The following C5orf46 variants were observed in gnomAD, a reference collection of about 807,000 sequenced individuals.
C5orf46 encodes the protein uncharacterized protein C5orf46.
Under a neutral mutation model 8.9 loss-of-function variants are expected in C5orf46, and 9 were observed. The observed-to-expected ratio is 1.01, with a 90% CI of 0.61 to 1.76. The LOEUF (loss-of-function observed/expected upper bound fraction) is 1.76, where lower values mean the gene tolerates loss of function less well. Among genes scored for constraint, C5orf46 ranks in the 40% most tolerant of loss-of-function variants. The probability of loss-of-function intolerance (pLI) is 0.00; values close to 1 mark genes in which losing one functional copy is unlikely to be tolerated. For missense variants in C5orf46, 98 were observed against 107.8 expected, an observed-to-expected ratio of 0.91 and a Z score of 0.40; for synonymous variants, 47 against 41.4, an observed-to-expected ratio of 1.14 and a Z score of -0.52.
Position 147,906,442 on chromosome 5 carries a change from G to A in C5orf46, c.60C>T (p.Thr20=). ...ATCAGAAGCACTTACCTGCATAGCA[G>A]GTCAGGAATAAGACAAGCAGTCCCA... ...VVLGLLVLFL[T]CYADDKPDKP... is the part of the protein sequence containing the mutation. Residue 20 remains threonine (T), a synonymous_variant, in exon 1 of 4, where the codon ACC becomes ACT. Transcript: ENST00000318315. 6.2e-7 allele frequency: 1 copy of A among 1,609,952 alleles called. No individual in the cohort carries two copies. The highest frequency in any genetic ancestry group is 8.5e-7 in the Non-Finnish European group (1 of 1,177,272).
At chr5:147,886,184 G>A (rs1757414117) in intron 2 of C5orf46, 1 of 152,074 alleles carries the variant, frequency 6.6e-6, no homozygotes, top group African/African-American at 2.4e-5. Context: ...GAGACGATGG[G>A]GGCAGGAAGG....
At chr5:147,905,395 T>C (rs922384805) in intron 1 of C5orf46, among the ~76,000 whole-genome samples, 2 of 152,192 alleles carry the variant, frequency 1.3e-5, no homozygotes, top group African/African-American at 4.8e-5. Context: ...GACAGGGTGG[T>C]GCCTGGTCTT....
At chr5:147,896,849 TA>T (rs1757587993) in intron 3 of C5orf46, 134 bp downstream of exon 3, 3 of 432,004 alleles carry the variant, frequency 6.9e-6, no homozygotes, top group Non-Finnish European at 4.2e-6. Context: ...TATATTCATT[TA>T]TTTTTTTAAA....
downstream of C5orf46, among the ~76,000 whole-genome samples, chr5:147,889,824 A>G (rs1371871138): frequency 6.6e-6 from 1 of 152,190 alleles, no homozygotes; most frequent in Non-Finnish European, 1.5e-5. Flanking sequence ...TAATTTTTGT[A>G]CTAAGTATGA....
chr5:147,893,763 A>C (rs1268882225), intron 3 of C5orf46, among the ~76,000 whole-genome samples: 1 of 151,472 alleles, frequency 6.6e-6, no homozygotes, highest in East Asian at 1.9e-4. Context: ...GCTGGTTTCC[A>C]CCTCCCGACC....
At chr5:147,899,125 A>G (rs752225537) in intron 2 of C5orf46, among the ~76,000 whole-genome samples, 1 of 151,850 alleles carries the variant, frequency 6.6e-6, no homozygotes, top group Non-Finnish European at 1.5e-5. Flanking sequence ...CCCATTGAGA[A>G]CTCCTTTCGC....
chr5:147,886,566 T>C (rs1029255490), intron 2 of C5orf46: 3 of 151,136 alleles, frequency 2.0e-5, no homozygotes, highest in Admixed American at 1.3e-4. Flanking sequence ...TTTCATTCTC[T>C]TCATCCATAA....
At chr5:147,895,233 G>A (rs1292145988) in intron 3 of C5orf46, among the ~76,000 whole-genome samples, 2 of 152,226 alleles carry the variant, frequency 1.3e-5, no homozygotes, top group East Asian at 3.9e-4. Context: ...GAGGCCAGGA[G>A]TTCAACACCA....
chr5:147,896,674 G>A (rs2080964), intron 3 of C5orf46, among the ~76,000 whole-genome samples: 10,016 of 152,092 alleles, frequency 0.066, 634 homozygotes, highest in Admixed American at 0.21. Context: ...TTGCTAGTGC[G>A]TGCTAGCCCC....
downstream of C5orf46, among the ~76,000 whole-genome samples, chr5:147,891,478 A>G (rs916182482): frequency 1.2e-4 from 19 of 152,314 alleles, no homozygotes; most frequent in African/African-American, 4.6e-4. Flanking sequence ...TTAGGAATTT[A>G]CCAAATCTTG....
rs998789232 is a variant in C5orf46, at chr5:147,905,483, G to A, written c.70+949C>T. 2.0e-5 allele frequency among the ~76,000 whole-genome samples: 3 copies of A among 152,202 alleles called. No individual in the cohort carries two copies. In the South Asian group the frequency reaches 6.2e-4, roughly 32 times the overall value. ...TGGACTGAATAATATCCGTGGCCAT[G>A]TCTAGAGTAATTCTGTTGTAATGTC... On this transcript the variant is annotated intron_variant, in intron 1 of 3. Coordinates refer to ENST00000318315, the MANE Select transcript of C5orf46 (RefSeq NM_206966.3).
intron 2 of C5orf46, among the ~76,000 whole-genome samples, chr5:147,897,354 G>A (rs1757598130): frequency 6.6e-6 from 1 of 152,162 alleles, no homozygotes; most frequent in Admixed American, 6.6e-5. Context: ...ATGGCAAATA[G>A]TAGAAATTAA....
intron 3 of C5orf46, among the ~76,000 whole-genome samples, chr5:147,893,958 C>A (rs950797453): frequency 1.3e-5 from 2 of 150,394 alleles, no homozygotes; most frequent in South Asian, 2.1e-4. Flanking sequence ...CATAAGACTT[C>A]ATGAAAACGT....
chr5:147,886,469 CAT>C (rs1366881300), intron 2 of C5orf46: 2 of 149,908 alleles, frequency 1.3e-5, no homozygotes, highest in African/African-American at 2.4e-5. Flanking sequence ...ATCATATAAT[CAT>C]ATGGAATATA....
rs149518217 is a variant in C5orf46, at chr5:147,901,691, G to A, written c.153C>T (p.Leu51=). 1.5e-5 allele frequency: 24 copies of A among 1,613,960 alleles called. No homozygotes were observed. The African/African-American group carries it at 3.1e-4, about 21-fold the overall frequency. ...PKPDFPKFLS[L]LGTEIIENAV... ...CATTCTCAATGATCTCTGTGCCCAG[G>A]AGGCTTAGGAATTTGGGGAAGTCTG... The change falls in exon 2 of 4, where the codon CTC becomes CTT. Residue 51 remains leucine, a synonymous_variant. Transcript: ENST00000318315.
In C5orf46 at chr5:147,899,995, C is replaced by G. The variant is rs188649843; in HGVS notation, c.215+1634G>C. ...TCTTTAGCATATCAGAGAGTCGACT[C>G]TTATGGTTAACACAGAGAAAAATGT... On this transcript the variant is annotated intron_variant, in intron 2 of 3. Transcript: ENST00000318315. Among the ~76,000 whole-genome samples the G allele has an allele frequency of 9.7e-4, 147 of 152,216 alleles. 1 individual carries two copies. Among genetic ancestry groups the G allele is most frequent in the African/African-American group, 3.4e-3 (141 of 41,538 alleles).
intron 3 of C5orf46, among the ~76,000 whole-genome samples, chr5:147,896,569 G>GATCT (rs1320772455): frequency 2.0e-5 from 3 of 152,296 alleles, no homozygotes; most frequent in African/African-American, 4.8e-5. Flanking sequence ...AACTGCGTGA[G>GATCT]ATAGAAAGTT....
At chr5:147,893,764 C>T (rs1393268738) in intron 3 of C5orf46, among the ~76,000 whole-genome samples, 2 of 152,154 alleles carry the variant, frequency 1.3e-5, no homozygotes, top group Non-Finnish European at 2.9e-5. Context: ...CTGGTTTCCA[C>T]CTCCCGACCT....
Position 147,901,683 on chromosome 5 carries a change from G to T in C5orf46, c.161C>A (p.Thr54Lys), listed in dbSNP as rs1237862083. Residue 54 changes from threonine (T) to lysine (K), a missense_variant, in exon 2 of 4, where the codon ACA (threonine) becomes AAA (lysine). Physicochemically the swap from Thr to Lys is moderately conservative, Grantham distance 78. Transcript: ENST00000318315. ...DFPKFLSLLG[T>K]EIIENAVEFI... is the part of the protein sequence containing the mutation. ...CTCGACTGCATTCTCAATGATCTCT[G>T]TGCCCAGGAGGCTTAGGAATTTGGG... The T allele has an allele frequency of 6.2e-7, 1 of 1,614,036 alleles. No homozygotes were observed. The highest frequency in any genetic ancestry group is 8.5e-7 in the Non-Finnish European group (1 of 1,179,974).
Sources: allele counts gnomAD v4.1 joint callset (sites outside exome capture counted in the v4.1 genomes callset), GRCh38; gene constraint gnomAD v4.1.1; transcripts MANE v1.5; gene names NCBI Gene and HGNC (gene_info 2026-07-23, HGNC 2026-07-21).